The following THSD7B variants were observed in gnomAD, a reference collection of about 807,000 sequenced individuals.
The protein encoded by THSD7B is thrombospondin type 1 domain containing 7B.
In THSD7B, 138 loss-of-function variants were observed where a neutral mutation model predicts 213.6. The ratio of observed to expected loss-of-function variants is 0.65; its 90% confidence interval spans 0.56 to 0.74. The LOEUF is 0.74. Among genes scored for constraint, THSD7B ranks in the 30% least tolerant of loss-of-function variants. THSD7B has a pLI of 0.00. For missense variants in THSD7B, 1,931 were observed against 1,991.5 expected, an observed-to-expected ratio of 0.97 and a Z score of 0.58; for synonymous variants, 742 against 687.0, an observed-to-expected ratio of 1.08 and a Z score of -1.25.
At chr2:137,191,588 C>T (rs983942371) in intron 7 of THSD7B, among the ~76,000 whole-genome samples, 1 of 151,982 alleles carries the variant, frequency 6.6e-6, no homozygotes, top group African/African-American at 2.4e-5. Flanking sequence ...TGCCTCTGGG[C>T]CTTTATTTAA....
chr2:137,223,150 G>T (rs1439055782), intron 7 of THSD7B, among the ~76,000 whole-genome samples: 1 of 152,172 alleles, frequency 6.6e-6, no homozygotes, highest in Non-Finnish European at 1.5e-5. Flanking sequence ...TGTATGGGCT[G>T]TGGAAATGTT....
rs185273367 is a variant in THSD7B at position 137,078,141 on chromosome 2, T to C, written c.951-16732T>C. ...GTCAAAGATCAGATAGTTGTAGATA[T>C]GCGGCATTATTTCTGAGGGCTCTGT... On this transcript the variant is annotated intron_variant, in intron 3 of 27. Transcript: ENST00000409968. 1.8e-3 allele frequency among the ~76,000 whole-genome samples: 270 copies of C among 152,302 alleles called. 1 individual carries two copies. The highest frequency in any genetic ancestry group is 6.3e-3 in the African/African-American group (261 of 41,554).
chr2:137,412,880 T>C (rs1415104158), intron 14 of THSD7B, among the ~76,000 whole-genome samples: 1 of 148,090 alleles, frequency 6.8e-6, no homozygotes, highest in Non-Finnish European at 1.5e-5. Flanking sequence ...TCCTGCTCTG[T>C]TTTTCTTTCT....
At position 137,385,328 on chromosome 2, in the gene THSD7B, G is replaced by T. The variant is rs1280461665; in HGVS notation, c.2501-20285G>T. The stretch of plus-strand genomic sequence containing the variant: ...GATGAAATAATTGCAGTGGAGTGTA[G>T]TTCTGCCCTTAGATTCAGCAAGAGG... On this transcript the variant is annotated intron_variant, in intron 12 of 27. Coordinates refer to ENST00000409968, the MANE Select transcript of THSD7B (RefSeq NM_001316349.2). 2.0e-5 allele frequency among the ~76,000 whole-genome samples: 3 copies of T among 152,228 alleles called. No homozygotes were observed. In the East Asian group the frequency reaches 5.8e-4, roughly 29 times the overall value.
At chr2:137,342,987 A>C (rs1461538620) in intron 12 of THSD7B, among the ~76,000 whole-genome samples, 1 of 149,854 alleles carries the variant, frequency 6.7e-6, no homozygotes, top group African/African-American at 2.4e-5. Context: ...CTGGCCTGTA[A>C]TTTTACTTTC....
intron 1 of THSD7B, among the ~76,000 whole-genome samples, chr2:136,803,646 T>C (rs1365683399): frequency 1.3e-5 from 2 of 152,158 alleles, no homozygotes; most frequent in South Asian, 4.1e-4. Flanking sequence ...AAGACAGATA[T>C]GTAAGAAGAG....
rs374078881 is a variant in THSD7B, at chr2:137,524,571, G to A, written c.3139-38650G>A. Among the ~76,000 whole-genome samples the A allele has an allele frequency of 7.9e-5, 12 of 152,236 alleles. No individual in the cohort carries two copies. In the East Asian group the frequency reaches 1.2e-3, roughly 15 times the overall value. On this transcript the variant is annotated intron_variant, in intron 15 of 27. Transcript: ENST00000409968. Reference sequence around the variant, plus strand: ...AACTAATGTTACAGAGTCAACTGCCGTGAATAAATGTTGGAAAAGAAAGAG... The same window carrying A: ...AACTAATGTTACAGAGTCAACTGCCATGAATAAATGTTGGAAAAGAAAGAG...
intron 15 of THSD7B, among the ~76,000 whole-genome samples, chr2:137,551,844 T>C (rs1680854303): frequency 1.3e-5 from 2 of 152,196 alleles, no homozygotes; most frequent in South Asian, 4.1e-4. Flanking sequence ...AACCGGAGGA[T>C]AGCCTGGGCC....
At chr2:137,630,050 A>G (rs927093821) in intron 20 of THSD7B, among the ~76,000 whole-genome samples, 2 of 151,858 alleles carry the variant, frequency 1.3e-5, no homozygotes, top group Non-Finnish European at 2.9e-5. Flanking sequence ...CTGAAATGTA[A>G]TGGCACAATC....
chr2:137,621,719 G>C (rs1382445491), intron 20 of THSD7B, among the ~76,000 whole-genome samples: 2 of 152,168 alleles, frequency 1.3e-5, no homozygotes, highest in African/African-American at 4.8e-5. Flanking sequence ...AGGACCTAGG[G>C]AGAAATCCTG....
At chr2:136,893,338 A>G (rs1231113108) in intron 2 of THSD7B, among the ~76,000 whole-genome samples, 1 of 152,202 alleles carries the variant, frequency 6.6e-6, no homozygotes, top group African/African-American at 2.4e-5. Context: ...GATATGGGAA[A>G]TATTCTGCCT....
chr2:136,901,403 T>G (rs1388299754), intron 2 of THSD7B, among the ~76,000 whole-genome samples: 1 of 152,250 alleles, frequency 6.6e-6, no homozygotes, highest in Non-Finnish European at 1.5e-5. Flanking sequence ...TTTAAAAATA[T>G]ATTATTTCCT....
At chr2:136,829,938 T>G (rs530878861) in intron 1 of THSD7B, among the ~76,000 whole-genome samples, 7 of 152,322 alleles carry the variant, frequency 4.6e-5, no homozygotes, top group Non-Finnish European at 7.4e-5. Context: ...TTTATCTTTT[T>G]TATATTTTTA....
At chr2:137,212,978 C>T (rs925386526) in intron 7 of THSD7B, among the ~76,000 whole-genome samples, 1 of 146,722 alleles carries the variant, frequency 6.8e-6, no homozygotes, top group East Asian at 2.0e-4. Context: ...AGATTTATGG[C>T]ATCTGCCACA....
chr2:137,325,502 C>G (rs1684349907), intron 12 of THSD7B, among the ~76,000 whole-genome samples: 1 of 152,030 alleles, frequency 6.6e-6, no homozygotes, highest in Non-Finnish European at 1.5e-5. Context: ...CCTTCATCAG[C>G]TTCATGACCT....
chr2:136,872,865 ATCCCAGCTACTTGGATTTAT>A, intron 1 of THSD7B, among the ~76,000 whole-genome samples: 1 of 149,014 alleles, frequency 6.7e-6, no homozygotes. Context: ...GGCACCTGTA[ATCCCAGCTACTTGGATTTAT>A]AAAGTAGGGG....
At chr2:136,783,927 A>G (rs969309244) in intron 1 of THSD7B, among the ~76,000 whole-genome samples, 2 of 152,220 alleles carry the variant, frequency 1.3e-5, no homozygotes, top group Admixed American at 1.3e-4. Context: ...CATGGCAGTT[A>G]GGACTTTAAT....
At chr2:137,131,141 A>C (rs1688723118) in intron 5 of THSD7B, among the ~76,000 whole-genome samples, 1 of 139,036 alleles carries the variant, frequency 7.2e-6, no homozygotes, top group Non-Finnish European at 1.6e-5. Flanking sequence ...GATGGTGAGC[A>C]TTTTTTCATG....
At chr2:136,769,947 T>C (rs1681475560) in intron 1 of THSD7B, among the ~76,000 whole-genome samples, 1 of 152,222 alleles carries the variant, frequency 6.6e-6, no homozygotes, top group South Asian at 2.1e-4. Context: ...CCTCTTGTAA[T>C]TAAACATGCC....
Sources: gnomAD v4.1 joint callset for allele counts (sites outside exome capture counted in the v4.1 genomes callset) on GRCh38, gnomAD v4.1.1 for gene constraint, MANE v1.5 for transcripts, NCBI Gene and HGNC (gene_info 2026-07-23, HGNC 2026-07-21) for gene names.